The following ASPRV1 variants were observed in gnomAD, a reference collection of about 807,000 sequenced individuals.
ASPRV1 encodes the protein aspartic peptidase retroviral like 1.
ASPRV1 carries 7 observed loss-of-function variants against 11.0 expected under a neutral mutation model. That is an observed-to-expected ratio of 0.64 (90% CI 0.36 to 1.20). The LOEUF (loss-of-function observed/expected upper bound fraction) is 1.20, where lower values mean the gene tolerates loss of function less well. ASPRV1 is among the 50% of genes most tolerant of loss of function. The probability of loss-of-function intolerance (pLI) is 0.02; values close to 1 mark genes in which losing one functional copy is unlikely to be tolerated. For missense variants in ASPRV1, 299 were observed against 320.0 expected (o/e 0.93, Z 0.50); for synonymous variants, 136 against 138.4 (o/e 0.98, Z 0.12).
the ASPRV1 span, chr2:69,993,834 C>T: frequency 1.3e-5 from 2 of 152,198 alleles, no homozygotes; most frequent in Non-Finnish European, 1.5e-5. Context: ...TTCCTGTTAT[C>T]TACAAGTCTC....
upstream of ASPRV1, chr2:69,964,379 G>A (rs1179406977): frequency 2.2e-6 from 1 of 453,276 alleles, no homozygotes; most frequent in East Asian, 7.0e-5. Context: ...CGTGAGAGCT[G>A]GAAGGAGTTG....
At chr2:69,938,292 G>A in the ASPRV1 span, 10 of 1,613,122 alleles carry the variant, frequency 6.2e-6, no homozygotes, top group South Asian at 4.4e-5. Context: ...TAAGAGAGTG[G>A]GCACTGCGGC....
the ASPRV1 span, among the ~76,000 whole-genome samples, chr2:70,025,654 C>T: frequency 6.6e-6 from 1 of 152,208 alleles, no homozygotes; most frequent in Admixed American, 6.5e-5. Flanking sequence ...CAGGCAGGTG[C>T]TTTGGTAAAC....
chr2:70,057,485 C>CTT, the ASPRV1 span, among the ~76,000 whole-genome samples: 1 of 147,118 alleles, frequency 6.8e-6, no homozygotes, highest in African/African-American at 2.5e-5. Context: ...CATTATGTAT[C>CTT]TTTTTTTTTT....
the ASPRV1 span, among the ~76,000 whole-genome samples, chr2:70,065,738 T>G: frequency 0.027 from 3,725 of 136,116 alleles, 147 homozygotes; most frequent in African/African-American, 0.097. Context: ...GGCAGGAAGA[T>G]CCCTTGAGCC....
At chr2:70,000,331 A>ACC in the ASPRV1 span, among the ~76,000 whole-genome samples, 3 of 142,822 alleles carry the variant, frequency 2.1e-5, no homozygotes, top group East Asian at 4.1e-4. Flanking sequence ...AAAAAAAAAA[A>ACC]AAAACCACAC....
At chr2:70,041,809 C>A in the ASPRV1 span, among the ~76,000 whole-genome samples, 1 of 152,134 alleles carries the variant, frequency 6.6e-6, no homozygotes, top group Non-Finnish European at 1.5e-5. Context: ...TTTACCACTT[C>A]CTGTTTCCAT....
At chr2:70,022,440 C>T in the ASPRV1 span, among the ~76,000 whole-genome samples, 4 of 151,346 alleles carry the variant, frequency 2.6e-5, no homozygotes, top group Admixed American at 2.6e-4. Context: ...AATCCCAGCA[C>T]TTTGGGAGGC....
chr2:70,085,267 G>A, the ASPRV1 span, among the ~76,000 whole-genome samples: 1 of 152,116 alleles, frequency 6.6e-6, no homozygotes, highest in African/African-American at 2.4e-5. Flanking sequence ...CCACAGACAG[G>A]GCCAGACCGA....
the ASPRV1 span, among the ~76,000 whole-genome samples, chr2:69,951,912 TG>T: frequency 6.6e-6 from 1 of 152,226 alleles, no homozygotes; most frequent in African/African-American, 2.4e-5. Flanking sequence ...TTTTGAGTTT[TG>T]TTAATAACTT....
chr2:70,082,985 G>A, the ASPRV1 span, among the ~76,000 whole-genome samples: 3 of 152,080 alleles, frequency 2.0e-5, no homozygotes, highest in African/African-American at 7.2e-5. Flanking sequence ...TGTGGTCCCT[G>A]CCCCCAGAGA....
At chr2:70,074,759 G>A in the ASPRV1 span, among the ~76,000 whole-genome samples, 6 of 151,638 alleles carry the variant, frequency 4.0e-5, no homozygotes, top group African/African-American at 1.5e-4. Context: ...ATACCACACA[G>A]TCCATACTAC....
chr2:69,937,286 C>T, the ASPRV1 span: 1 of 1,614,178 alleles, frequency 6.2e-7, no homozygotes, highest in Non-Finnish European at 8.5e-7. Context: ...CCAGCTTCAG[C>T]GAGAGCAGCG....
the ASPRV1 span, among the ~76,000 whole-genome samples, chr2:70,010,438 A>G: frequency 6.6e-6 from 1 of 152,134 alleles, no homozygotes; most frequent in Non-Finnish European, 1.5e-5. Context: ...CTGCATGTGC[A>G]AAGGCCTGGA....
At chr2:69,969,399 G>C in the ASPRV1 span, among the ~76,000 whole-genome samples, 1 of 152,262 alleles carries the variant, frequency 6.6e-6, no homozygotes, top group South Asian at 2.1e-4. Context: ...TCAGCCTCAA[G>C]GACTCTGGCC....
the ASPRV1 span, among the ~76,000 whole-genome samples, chr2:70,008,487 A>C: frequency 9.2e-6 from 1 of 109,166 alleles, no homozygotes; most frequent in South Asian, 3.4e-4. Context: ...GGCAGCCAGG[A>C]ACCTTGGATC....
chr2:69,936,305 T>C, the ASPRV1 span, among the ~76,000 whole-genome samples: 1 of 152,104 alleles, frequency 6.6e-6, no homozygotes, highest in Non-Finnish European at 1.5e-5. Context: ...ACCATTGTGT[T>C]GTCTCAATCC....
At chr2:69,991,177 TG>T in the ASPRV1 span, among the ~76,000 whole-genome samples, 7 of 152,278 alleles carry the variant, frequency 4.6e-5, no homozygotes, top group South Asian at 2.1e-4. Context: ...CCTACTTGGC[TG>T]GGATCTGAGA....
upstream of ASPRV1, among the ~76,000 whole-genome samples, chr2:69,965,448 A>AAAAAC (rs1558583176): frequency 1.7e-4 from 26 of 150,544 alleles, no homozygotes; most frequent in South Asian, 1.2e-3. Context: ...TGGGCTAAAA[A>AAAAAC]AAAAACAAAA....
Sources: gnomAD v4.1 joint callset for allele counts (sites outside exome capture counted in the v4.1 genomes callset) on GRCh38, gnomAD v4.1.1 for gene constraint, MANE v1.5 for transcripts, NCBI Gene and HGNC (gene_info 2026-07-23, HGNC 2026-07-21) for gene names.